The following ZNF469 variants were observed in gnomAD, a reference collection of about 807,000 sequenced individuals.
ZNF469 encodes zinc finger protein 469.
A neutral mutation model predicts 1.0 loss-of-function variants in ZNF469; 1 was observed. The ratio of observed to expected loss-of-function variants is 1.00; its 90% CI spans 0.35 to 4.73. The LOEUF (loss-of-function observed/expected upper bound fraction) is 4.73, where lower values mean the gene tolerates loss of function less well. Among genes scored for constraint, ZNF469 ranks in the 30% most tolerant of loss-of-function variants. The probability of loss-of-function intolerance (pLI) is 0.16; values close to 1 mark genes in which losing one functional copy is unlikely to be tolerated. For synonymous variants in ZNF469, 2,703 were observed against 2,363.4 expected, an observed-to-expected ratio of 1.14 and a Z score of -4.17; for missense variants, 6,100 against 5,356.3, an observed-to-expected ratio of 1.14 and a Z score of -4.33.
chr16:88,226,252 C>A, the ZNF469 span, among the ~76,000 whole-genome samples: 3 of 152,120 alleles, frequency 2.0e-5, no homozygotes, highest in African/African-American at 7.2e-5. Flanking sequence ...ACCCCCAGCA[C>A]GCAGGATGTG....
the ZNF469 span, among the ~76,000 whole-genome samples, chr16:88,257,739 G>A: frequency 1.3e-5 from 2 of 152,174 alleles, no homozygotes; most frequent in African/African-American, 2.4e-5. Context: ...TATGTGCATT[G>A]ATGAGGTTTG....
the ZNF469 span, among the ~76,000 whole-genome samples, chr16:88,349,705 C>T: frequency 3.4e-5 from 5 of 149,046 alleles, no homozygotes; most frequent in African/African-American, 5.0e-5. Context: ...ATACACACAC[C>T]ACACAAGTAC....
the ZNF469 span, among the ~76,000 whole-genome samples, chr16:88,240,336 AAGAG>A: frequency 6.6e-6 from 1 of 151,948 alleles, no homozygotes; most frequent in Non-Finnish European, 1.5e-5. Context: ...GTGATGGGGG[AAGAG>A]AGAGAGATTT....
At chr16:88,148,198 A>G in the ZNF469 span, among the ~76,000 whole-genome samples, 1 of 151,924 alleles carries the variant, frequency 6.6e-6, no homozygotes, top group African/African-American at 2.4e-5. Context: ...ATGTGTGTTC[A>G]CTCACCAACT....
At chr16:88,364,271 G>A in the ZNF469 span, among the ~76,000 whole-genome samples, 1 of 152,104 alleles carries the variant, frequency 6.6e-6, no homozygotes, top group Non-Finnish European at 1.5e-5. Flanking sequence ...CCAGGTGACT[G>A]CATATGTACA....
the ZNF469 span, among the ~76,000 whole-genome samples, chr16:88,277,455 A>T: frequency 2.8e-5 from 4 of 145,140 alleles, no homozygotes; most frequent in Non-Finnish European, 6.0e-5. Context: ...ACGCTTGGTC[A>T]GTACCATGTA....
chr16:88,288,722 A>T, the ZNF469 span, among the ~76,000 whole-genome samples: 1 of 152,194 alleles, frequency 6.6e-6, no homozygotes, highest in Non-Finnish European at 1.5e-5. Flanking sequence ...CTTGTCCAAA[A>T]AGTATGCAGC....
At chr16:88,383,881 G>A (rs908189514) in intron 1 of ZNF469, among the ~76,000 whole-genome samples, 1 of 152,188 alleles carries the variant, frequency 6.6e-6, no homozygotes, top group African/African-American at 2.4e-5. Context: ...TGCAGAGCCG[G>A]GAAGTTGGCT....
chr16:88,307,183 A>T, the ZNF469 span, among the ~76,000 whole-genome samples: 1 of 152,240 alleles, frequency 6.6e-6, no homozygotes, highest in Non-Finnish European at 1.5e-5. Context: ...TCAGCACTTC[A>T]TTCCTTCTGT....
the ZNF469 span, among the ~76,000 whole-genome samples, chr16:88,351,573 G>A: frequency 1.3e-5 from 2 of 152,160 alleles, no homozygotes; most frequent in Non-Finnish European, 2.9e-5. Context: ...ATGTCCCCGT[G>A]TCCTCCGCGA....
chr16:88,385,390 A>G (rs900015641), intron 1 of ZNF469, among the ~76,000 whole-genome samples: 29 of 152,086 alleles, frequency 1.9e-4, no homozygotes, highest in African/African-American at 7.0e-4. Flanking sequence ...AATCCCTGCA[A>G]TTTGGGAGGC....
chr16:88,299,987 C>G, the ZNF469 span, among the ~76,000 whole-genome samples: 11 of 152,128 alleles, frequency 7.2e-5, no homozygotes, highest in Admixed American at 1.3e-4. Context: ...CCCCGGGGAG[C>G]CTGCTGTGAT....
chr16:88,323,195 C>T, the ZNF469 span, among the ~76,000 whole-genome samples: 6 of 152,304 alleles, frequency 3.9e-5, no homozygotes, highest in Admixed American at 2.6e-4. Flanking sequence ...CCTTCTGCCA[C>T]GCAGTCTGCC....
chr16:88,111,505 T>C, the ZNF469 span, among the ~76,000 whole-genome samples: 1 of 61,384 alleles, frequency 1.6e-5, no homozygotes, highest in Non-Finnish European at 4.0e-5. Flanking sequence ...TCTTCTGTCT[T>C]TTTGTACCCA....
chr16:88,200,028 G>A, the ZNF469 span, among the ~76,000 whole-genome samples: 7 of 152,162 alleles, frequency 4.6e-5, no homozygotes, highest in Non-Finnish European at 1.0e-4. Context: ...AATGCCTCCC[G>A]CTCCCACCCC....
chr16:88,300,068 C>G, the ZNF469 span, among the ~76,000 whole-genome samples: 1 of 152,170 alleles, frequency 6.6e-6, no homozygotes, highest in Admixed American at 6.5e-5. Context: ...GGAGAAGGGC[C>G]CTGCTCGGCC....
chr16:88,439,753 G>T lies in ZNF469; in HGVS notation c.*421G>T, dbSNP rs148260049. 2.8e-3 allele frequency: 749 copies of T among 271,880 alleles called. 6 individuals are homozygous for T. The highest frequency in any genetic ancestry group is 0.027 in the Middle Eastern group (20 of 748). 16.8% of individuals were successfully genotyped at this position (271,880 alleles called of 1,614,324 possible). A position where few individuals can be genotyped will look rare whatever the true frequency, so the allele number is the denominator to read the frequency against. ...TGAGGCAGCCGTGGGATGGTGGTAG[G>T]TTCCCTCTTAGTCTTGCTGCTGTTG... On this transcript the variant is annotated 3_prime_UTR_variant, in exon 3 of 3. Transcript: ENST00000565624.
the ZNF469 span, among the ~76,000 whole-genome samples, chr16:88,279,748 C>CA: frequency 6.6e-6 from 1 of 150,594 alleles, no homozygotes; most frequent in African/African-American, 2.5e-5. Flanking sequence ...CACTGACACT[C>CA]GGTCAGTACC....
At chr16:88,209,112 TC>T in the ZNF469 span, among the ~76,000 whole-genome samples, 1 of 152,038 alleles carries the variant, frequency 6.6e-6, no homozygotes, top group African/African-American at 2.4e-5. Context: ...CCTCTTTTTT[TC>T]CTTTCAAGTA....
Sources: gnomAD v4.1 joint callset for allele counts (sites outside exome capture counted in the v4.1 genomes callset) on GRCh38, gnomAD v4.1.1 for gene constraint, MANE v1.5 for transcripts, NCBI Gene and HGNC (gene_info 2026-07-23, HGNC 2026-07-21) for gene names.